PCDHGB1: variants seen among roughly 807,000 people sequenced by gnomAD.
PCDHGB1 encodes protocadherin gamma subfamily B, 1.
Under a neutral mutation model 56.6 loss-of-function variants are expected in PCDHGB1, and 34 were observed. The observed-to-expected ratio is 0.60, with a 90% CI of 0.46 to 0.80. PCDHGB1 has a LOEUF of 0.80. Ranked by LOEUF, PCDHGB1 falls within the 30% of genes least tolerant of loss-of-function variation. PCDHGB1 has a pLI of 0.00. For synonymous variants in PCDHGB1, 561 were observed against 505.9 expected, an observed-to-expected ratio of 1.11 and a Z score of -1.46; for missense variants, 1,278 against 1,204.6, an observed-to-expected ratio of 1.06 and a Z score of -0.90.
Position 141,512,931 on chromosome 5 carries a change from C to T in PCDHGB1, c.*1758C>T, listed in dbSNP as rs2099884512. On this transcript the variant is annotated 3_prime_UTR_variant, in exon 4 of 4. Transcript: ENST00000523390. ...GTTTTATACTCTAATATTTATATGG[C>T]TTTTTTTCTTCGACAAAAAAATAAT... The T allele has an allele frequency of 6.6e-6, 1 of 152,006 alleles. No homozygotes were observed. The highest frequency in any genetic ancestry group is 2.4e-5 in the African/African-American group (1 of 41,414). The allele number at this position is 152,006 out of a possible 1,614,324, so 9.4% of individuals were successfully genotyped here.
chr5:141,364,525 C>T (rs763615712), intron 1 of PCDHGB1: 1 of 1,613,944 alleles, frequency 6.2e-7, no homozygotes, highest in African/African-American at 1.3e-5. Flanking sequence ...GCGGAGTCCG[C>T]ATCGTCTCCA....
chr5:141,441,819 G>A (rs1040935030), intron 1 of PCDHGB1: 6 of 359,092 alleles, frequency 1.7e-5, no homozygotes, highest in Non-Finnish European at 3.3e-5. Context: ...CCCCAGCTCT[G>A]GAGCGCAATG....
intron 1 of PCDHGB1, chr5:141,370,643 C>T (rs1767087825): frequency 6.2e-7 from 1 of 1,613,934 alleles, no homozygotes; most frequent in African/African-American, 1.3e-5. Flanking sequence ...AAAATGGGAA[C>T]TTACTTGTGA....
At chr5:141,360,893 A>G in intron 1 of PCDHGB1, 1 of 1,614,046 alleles carries the variant, frequency 6.2e-7, no homozygotes, top group Non-Finnish European at 8.5e-7. Flanking sequence ...ACCCTGAGGG[A>G]GGACGTGCCG....
At position 141,397,489 on chromosome 5, in the gene PCDHGB1, A is replaced by G. The variant is rs568778994; in HGVS notation, c.2409+44820A>G. 3.3e-5 allele frequency among the ~76,000 whole-genome samples: 5 copies of G among 152,372 alleles called. No homozygotes were observed. In the East Asian group the frequency reaches 9.6e-4, roughly 29 times the overall value. ...GGAGTTGGAAATCATAGAAATGAAC[A>G]GAAGAATGATAAAATTGTTTCCATA... On this transcript the variant is annotated intron_variant, in intron 1 of 3. Coordinates refer to ENST00000523390, the MANE Select transcript of PCDHGB1 (RefSeq NM_018922.3).
intron 1 of PCDHGB1, chr5:141,417,266 T>C (rs2096102700): frequency 6.6e-6 from 1 of 152,184 alleles, no homozygotes; most frequent in Non-Finnish European, 1.5e-5. Context: ...CATAGATAAT[T>C]ACTCTTAAAA....
chr5:141,399,213 T>C (rs2093770836), intron 1 of PCDHGB1: 1 of 1,613,852 alleles, frequency 6.2e-7, no homozygotes, highest in Non-Finnish European at 8.5e-7. Context: ...GAACACTAAT[T>C]GCTTTGATCA....
chr5:141,381,016 C>G (rs961179270), intron 1 of PCDHGB1, among the ~76,000 whole-genome samples: 1 of 152,210 alleles, frequency 6.6e-6, no homozygotes, highest in African/African-American at 2.4e-5. Flanking sequence ...TATAATACCT[C>G]TATTAGTTCC....
Position 141,414,015 on chromosome 5 carries a change from A to T in PCDHGB1, c.2409+61346A>T. ...ACAGGGACGAAGGTGCCAATGGAGA[A>T]GTGACATATTCATTCCGAAAATTAC... On this transcript the variant is annotated intron_variant, in intron 1 of 3. Coordinates refer to ENST00000523390, the MANE Select transcript of PCDHGB1 (RefSeq NM_018922.3). 6.2e-7 allele frequency: 1 copy of T among 1,613,160 alleles called. No individual in the cohort carries two copies.
intron 1 of PCDHGB1, chr5:141,478,773 T>C (rs975950601): frequency 1.3e-6 from 2 of 1,496,766 alleles, no homozygotes; most frequent in African/African-American, 2.8e-5. Context: ...GACTCATCTG[T>C]GGACCTAATT....
intron 1 of PCDHGB1, among the ~76,000 whole-genome samples, chr5:141,435,043 C>T (rs2097739230): frequency 1.3e-5 from 2 of 151,658 alleles, no homozygotes; most frequent in African/African-American, 2.4e-5. Flanking sequence ...ATTTTTTTCC[C>T]ATTGACCATG....
chr5:141,395,111 T>A, intron 1 of PCDHGB1: 1 of 1,613,670 alleles, frequency 6.2e-7, no homozygotes, highest in Non-Finnish European at 8.5e-7. Flanking sequence ...CGCGGAAGAG[T>A]CACCTGATCT....
At chr5:141,375,093 T>A (rs1394979484) in intron 1 of PCDHGB1, 1 of 1,613,962 alleles carries the variant, frequency 6.2e-7, no homozygotes, top group South Asian at 1.1e-5. Context: ...TTAATAACTA[T>A]CTTGGATGTC....
intron 1 of PCDHGB1, among the ~76,000 whole-genome samples, chr5:141,481,913 CAAAAAAAAA>C (rs34114744): frequency 1.1e-5 from 1 of 90,852 alleles, no homozygotes; most frequent in Non-Finnish European, 2.2e-5. Flanking sequence ...AACTCCATCT[CAAAAAAAAA>C]AAAAAAAAAA....
chr5:141,419,085 C>T (rs759272094), intron 1 of PCDHGB1: 1 of 1,613,936 alleles, frequency 6.2e-7, no homozygotes, highest in Non-Finnish European at 8.5e-7. Flanking sequence ...ACAGATGAGG[C>T]CCTGGATCGG....
chr5:141,383,235 T>C (rs1205858909), intron 1 of PCDHGB1: 2 of 1,613,838 alleles, frequency 1.2e-6, no homozygotes, highest in Admixed American at 3.3e-5. Flanking sequence ...TGATGGAAGA[T>C]AAAATGAATC....
intron 1 of PCDHGB1, chr5:141,410,397 G>A (rs1338071222): frequency 1.9e-6 from 3 of 1,613,930 alleles, no homozygotes; most frequent in South Asian, 1.1e-5. Context: ...CCTGGTCTCT[G>A]TGTCAAGTCT....
Position 141,490,749 on chromosome 5 carries a change from C to T in PCDHGB1, c.2410-4058C>T, listed in dbSNP as rs777124697. 3.1e-6 allele frequency: 5 copies of T among 1,614,098 alleles called. No individual in the cohort carries two copies. The South Asian group carries it at 5.5e-5, about 18-fold the overall frequency. ...GAAATCAGGTTCAGGGAGCCCCAGC[C>T]TCCTCCTTTGTGTATGTCAACCCAG... On this transcript the variant is annotated intron_variant, in intron 1 of 3. Coordinates refer to ENST00000523390, the MANE Select transcript of PCDHGB1 (RefSeq NM_018922.3). The surrounding 1 kb of genome is among the most constrained non-coding windows in gnomAD (Gnocchi z 5.4).
Position 141,362,012 on chromosome 5 carries a change from T to A in PCDHGB1, c.2409+9343T>A, listed in dbSNP as rs1228364834. 3.7e-6 allele frequency: 6 copies of A among 1,605,660 alleles called. No homozygotes were observed. In the Admixed American group the frequency reaches 6.7e-5, roughly 18 times the overall value. On this transcript the variant is annotated intron_variant, in intron 1 of 3. Coordinates refer to ENST00000523390, the MANE Select transcript of PCDHGB1 (RefSeq NM_018922.3). ...AGCCTGGGGTTGCGCACGGGTGAGG[T>A]GCGCACAGCGCGTGCCTTGGGCGAC...
Sources: gnomAD v4.1 joint callset for allele counts (sites outside exome capture counted in the v4.1 genomes callset) on GRCh38, gnomAD v4.1.1 for gene constraint, Gnocchi (gnomAD v3.1) non-coding constraint, MANE v1.5 for transcripts, NCBI Gene and HGNC (gene_info 2026-07-23, HGNC 2026-07-21) for gene names.